SLC12A1: variants seen among roughly 807,000 people sequenced by gnomAD.
SLC12A1 encodes the protein solute carrier family 12 member 1.
A neutral mutation model predicts 130.4 loss-of-function variants in SLC12A1; 89 were observed. The observed-to-expected ratio is 0.68, with a 90% CI of 0.58 to 0.81. The LOEUF (loss-of-function observed/expected upper bound fraction) is 0.81. Among genes scored for constraint, SLC12A1 ranks in the 40% least tolerant of loss-of-function variants. The probability of loss-of-function intolerance (pLI) is 0.00; values close to 1 mark genes in which losing one functional copy is unlikely to be tolerated. For missense variants in SLC12A1, 1,310 were observed against 1,336.4 expected, an observed-to-expected ratio of 0.98 and a Z score of 0.31; for synonymous variants, 499 against 460.0, an observed-to-expected ratio of 1.08 and a Z score of -1.09.
At position 48,218,730 on chromosome 15, in the gene SLC12A1, T is replaced by C. The variant is rs2041159325; in HGVS notation, c.421-1904T>C. On this transcript the variant is annotated intron_variant, in intron 2 of 26. Coordinates refer to ENST00000380993, the MANE Select transcript of SLC12A1 (RefSeq NM_000338.3). ...TATAGTCATTCTATAATCGTGGTAA[T>C]TGAGGGCTCAATCTCAGAGCCTTCC... Among the ~76,000 whole-genome samples the C allele has an allele frequency of 1.3e-5, 2 of 152,206 alleles. 1 individual carries two copies. Among genetic ancestry groups the C allele is most frequent in the Admixed American group, 1.3e-4 (2 of 15,282 alleles).
intron 13 of SLC12A1, 36 bp from the exon 14 acceptor site, chr15:48,249,539 C>A: frequency 6.7e-7 from 1 of 1,494,698 alleles, no homozygotes; most frequent in Non-Finnish European, 9.3e-7. Flanking sequence ...GGTCTCATCA[C>A]TCATACGTAC....
At chr15:48,256,823 C>CG (rs1475711968) in intron 16 of SLC12A1, among the ~76,000 whole-genome samples, 3 of 3,154 alleles carry the variant, frequency 9.5e-4, no homozygotes, top group East Asian at 7.0e-3. Flanking sequence ...CCATCCCTGG[C>CG]CCCCCCCCCC....
intron 4 of SLC12A1, among the ~76,000 whole-genome samples, chr15:48,222,007 G>T (rs574118669): frequency 6.6e-6 from 1 of 152,336 alleles, no homozygotes; most frequent in South Asian, 2.1e-4. Context: ...AATGGAGCCA[G>T]TTCCCATAGT....
At chr15:48,239,079 T>C (rs939217495) in intron 9 of SLC12A1, among the ~76,000 whole-genome samples, 2 of 152,196 alleles carry the variant, frequency 1.3e-5, no homozygotes, top group Non-Finnish European at 2.9e-5. Flanking sequence ...TGCGTGTGGA[T>C]AGAAACTACA....
intron 6 of SLC12A1, 47 bp from the exon 7 acceptor site, chr15:48,230,346 C>A (rs1271891715): frequency 1.7e-6 from 2 of 1,151,558 alleles, no homozygotes; most frequent in South Asian, 1.3e-5. Flanking sequence ...ATAAGACTCA[C>A]ATGCAAAAAG....
Position 48,220,906 on chromosome 15 carries a change from C to G in SLC12A1, c.553-15C>G, listed in dbSNP as rs1270677084. Reference sequence around the variant, plus strand: ...CGTTTGTCCTGTCTCCTTTCAATACCGCTTCTATCCACAGGTAAGATGCAT... The same window carrying G: ...CGTTTGTCCTGTCTCCTTTCAATACGGCTTCTATCCACAGGTAAGATGCAT... On this transcript the variant is annotated splice_polypyrimidine_tract_variant and intron_variant, in intron 3 of 26. Coordinates refer to ENST00000380993, the MANE Select transcript of SLC12A1 (RefSeq NM_000338.3). 1 of 1,613,202 alleles carries G rather than the reference C, an allele frequency of 6.2e-7. No homozygotes were observed. Among genetic ancestry groups the G allele is most frequent in the African/African-American group, 1.3e-5 (1 of 74,914 alleles).
chr15:48,255,883 C>T lies in SLC12A1; in HGVS notation c.2015C>T (p.Thr672Ile), dbSNP rs1344085173. 2.5e-6 allele frequency: 4 copies of T among 1,601,314 alleles called. No individual in the cohort carries two copies. Among genetic ancestry groups the T allele is most frequent in the Non-Finnish European group, 3.4e-6 (4 of 1,173,570 alleles). Reference protein sequence around the residue: ...SALDNALELTTVEDHVKNFRP... With the variant: ...SALDNALELTIVEDHVKNFRP... ...TTAGACAATGCTCTGGAATTAACCA[C>T]AGTGGAAGACCACGTAAAAAACTTC... Residue 672 changes from threonine (T) to isoleucine (I), a missense_variant, in exon 16 of 27, where the codon ACA becomes ATA. Thr to Ile is a moderately conservative substitution (Grantham distance 89). Coordinates refer to ENST00000380993, the MANE Select transcript of SLC12A1 (RefSeq NM_000338.3).
intron 15 of SLC12A1, 36 bp downstream of exon 15, chr15:48,251,806 T>A: frequency 6.3e-7 from 1 of 1,592,884 alleles, no homozygotes; most frequent in Non-Finnish European, 8.6e-7. Flanking sequence ...CGTTTCCAAA[T>A]CTCTCTCTAA....
In SLC12A1 at chr15:48,243,395, C is replaced by T. The variant is rs564487641; in HGVS notation, c.1301-1358C>T. On this transcript the variant is annotated intron_variant, in intron 10 of 26. Transcript: ENST00000380993. ...ATAATTGGCCAGGTGCAGTGGCTCA[C>T]GCCTGTAATCCCAGCACTTTGGGAG... Among the ~76,000 whole-genome samples the T allele has an allele frequency of 3.0e-3, 456 of 152,186 alleles. 3 individuals are homozygous for T. Among genetic ancestry groups the T allele is most frequent in the African/African-American group, 0.01 (421 of 41,508 alleles).
chr15:48,300,190 T>A (rs1311492947), intron 25 of SLC12A1, among the ~76,000 whole-genome samples: 2 of 151,684 alleles, frequency 1.3e-5, no homozygotes, highest in Non-Finnish European at 2.9e-5. Flanking sequence ...AAAATTAGCC[T>A]GGTGAGGTAG....
At chr15:48,298,988 C>T (rs764836305) in intron 24 of SLC12A1, among the ~76,000 whole-genome samples, 152 bp from the exon 25 acceptor site, 2 of 152,178 alleles carry the variant, frequency 1.3e-5, no homozygotes, top group Non-Finnish European at 2.9e-5. Flanking sequence ...TGGTTTTACT[C>T]ACAGTAAATT....
chr15:48,296,473 G>C (rs2042178471), intron 24 of SLC12A1, among the ~76,000 whole-genome samples: 1 of 152,078 alleles, frequency 6.6e-6, no homozygotes, highest in Non-Finnish European at 1.5e-5. Flanking sequence ...AGGACAAAAA[G>C]ACAACAATCT....
intron 13 of SLC12A1, among the ~76,000 whole-genome samples, chr15:48,248,630 T>C (rs1305736650): frequency 6.6e-6 from 1 of 152,240 alleles, no homozygotes; most frequent in African/African-American, 2.4e-5. Context: ...ATTTGCATCA[T>C]TGAGGGTGAT....
chr15:48,263,222 AG>A (rs1230192905), intron 17 of SLC12A1, among the ~76,000 whole-genome samples: 1 of 152,214 alleles, frequency 6.6e-6, no homozygotes, highest in Admixed American at 6.5e-5. Flanking sequence ...AAGGATCAAA[AG>A]TTAATTGAAT....
chr15:48,230,254 G>T (rs113702384), intron 6 of SLC12A1, 139 bp from the exon 7 acceptor site: 13 of 596,082 alleles, frequency 2.2e-5, no homozygotes, highest in African/African-American at 1.5e-4. Flanking sequence ...CTTCATAAAT[G>T]TATGAATACT....
intron 6 of SLC12A1, among the ~76,000 whole-genome samples, chr15:48,230,143 TACA>T (rs2041352850): frequency 6.6e-6 from 1 of 152,164 alleles, no homozygotes; most frequent in Non-Finnish European, 1.5e-5. Context: ...CACTTAATAC[TACA>T]ACAACTTCAA....
At chr15:48,252,870 G>A (rs1404477008) in intron 15 of SLC12A1, among the ~76,000 whole-genome samples, 1 of 152,136 alleles carries the variant, frequency 6.6e-6, no homozygotes, top group Non-Finnish European at 1.5e-5. Context: ...TGAGTGATGG[G>A]GAGAAGGATC....
chr15:48,255,357 G>C (rs1185944089), intron 15 of SLC12A1, among the ~76,000 whole-genome samples: 1 of 151,122 alleles, frequency 6.6e-6, no homozygotes, highest in Non-Finnish European at 1.5e-5. Context: ...AAAATCTCTT[G>C]AACCCGGGAG....
Position 48,235,830 on chromosome 15 carries a change from C to T in SLC12A1, c.1215+826C>T, listed in dbSNP as rs998566916. ...TGTTTCACCGTTACTTTGGGGCTTG[C>T]CCTCCATCTGCAAGGTCACATTCCA... On this transcript the variant is annotated intron_variant, in intron 9 of 26. Coordinates refer to ENST00000380993, the MANE Select transcript of SLC12A1 (RefSeq NM_000338.3). 4.6e-5 allele frequency among the ~76,000 whole-genome samples: 7 copies of T among 152,072 alleles called. 1 individual carries two copies. The highest frequency in any genetic ancestry group is 8.8e-5 in the Non-Finnish European group (6 of 68,012).
Sources: allele counts gnomAD v4.1 joint callset (sites outside exome capture counted in the v4.1 genomes callset), GRCh38; gene constraint gnomAD v4.1.1; transcripts MANE v1.5; gene names NCBI Gene and HGNC (gene_info 2026-07-23, HGNC 2026-07-21).